Variants in KANK1 observed in about 807,000 individuals in gnomAD.
KANK1 encodes KN motif and ankyrin repeat domain-containing protein 1.
In KANK1, 109 loss-of-function variants were observed where a neutral mutation model predicts 106.2. That is an observed-to-expected ratio of 1.03 (90% confidence interval 0.88 to 1.20). The LOEUF (loss-of-function observed/expected upper bound fraction) is 1.20, where lower values mean the gene tolerates loss of function less well. Ranked by LOEUF, KANK1 falls within the 50% of genes most tolerant of loss-of-function variation. The probability of loss-of-function intolerance (pLI) is 0.00; values close to 1 mark genes in which losing one functional copy is unlikely to be tolerated. For synonymous variants in KANK1, 873 were observed against 652.2 expected, an observed-to-expected ratio of 1.34 and a Z score of -5.16; for missense variants, 2,399 against 1,710.7, an observed-to-expected ratio of 1.40 and a Z score of -7.10.
intron 2 of KANK1, chr9:684,580 T>G (rs1818186916): frequency 1.0e-6 from 1 of 985,228 alleles, no homozygotes; most frequent in Non-Finnish European, 1.2e-6. Flanking sequence ...TCGTTGTGAG[T>G]ATTGGCATTT....
chr9:708,630 A>T (rs1824999285), intron 2 of KANK1, among the ~76,000 whole-genome samples: 1 of 152,188 alleles, frequency 6.6e-6, no homozygotes, highest in Admixed American at 6.5e-5. Flanking sequence ...AGATGGAAGC[A>T]GAAGTGTTCT....
At chr9:506,050 A>G (rs1335953207) in intron 1 of KANK1, among the ~76,000 whole-genome samples, 1 of 152,218 alleles carries the variant, frequency 6.6e-6, no homozygotes, top group Non-Finnish European at 1.5e-5. Flanking sequence ...TTACTCTTCT[A>G]AGGTCAAAAT....
intron 1 of KANK1, among the ~76,000 whole-genome samples, chr9:571,897 C>G (rs1423806537): frequency 6.6e-6 from 1 of 152,056 alleles, no homozygotes; most frequent in Non-Finnish European, 1.5e-5. Flanking sequence ...TGTACTTTAG[C>G]TTCATGTCTC....
intron 1 of KANK1, among the ~76,000 whole-genome samples, chr9:509,563 C>T (rs1159276320): frequency 6.6e-6 from 1 of 152,080 alleles, no homozygotes; most frequent in Admixed American, 6.6e-5. Flanking sequence ...CTTTTTAATC[C>T]CTGCATATGC....
intron 1 of KANK1, among the ~76,000 whole-genome samples, chr9:617,132 A>T (rs1832035063): frequency 6.6e-6 from 1 of 152,000 alleles, no homozygotes; most frequent in Non-Finnish European, 1.5e-5. Context: ...TCATTCTTGC[A>T]AGGAATCATT....
At chr9:613,411 A>G (rs948415309) in intron 1 of KANK1, among the ~76,000 whole-genome samples, 13 of 151,920 alleles carry the variant, frequency 8.6e-5, no homozygotes, top group African/African-American at 3.1e-4. Flanking sequence ...GTGGCCCAGG[A>G]CAGCTTTGAA....
At chr9:718,615 A>G (rs1828406130) in intron 3 of KANK1, among the ~76,000 whole-genome samples, 1 of 151,802 alleles carries the variant, frequency 6.6e-6, no homozygotes, top group African/African-American at 2.4e-5. Context: ...AGGCCACTGT[A>G]TCATTTTAGA....
chr9:563,667 A>C (rs1817067060), intron 1 of KANK1, among the ~76,000 whole-genome samples: 1 of 152,186 alleles, frequency 6.6e-6, no homozygotes. Context: ...AGTGTCAGTG[A>C]AATTGAGTCC....
chr9:474,251 A>G (rs2058067995), intron 3 of KANK1, among the ~76,000 whole-genome samples: 1 of 152,178 alleles, frequency 6.6e-6, no homozygotes, highest in African/African-American at 2.4e-5. Context: ...CATAAGGAAA[A>G]TAGTGACATT....
At chr9:489,445 G>A (rs2058344377) in intron 3 of KANK1, among the ~76,000 whole-genome samples, 2 of 152,186 alleles carry the variant, frequency 1.3e-5, no homozygotes, top group Admixed American at 1.3e-4. Context: ...TTTAGTGTAA[G>A]TATAGGTCAT....
chr9:698,079 C>A (rs757053184), intron 2 of KANK1, among the ~76,000 whole-genome samples: 9 of 152,258 alleles, frequency 5.9e-5, no homozygotes, highest in Admixed American at 3.3e-4. Flanking sequence ...GTTCCCCAGG[C>A]CTATCGTCTA....
At chr9:741,734 G>A (rs1835616538) in intron 9 of KANK1, among the ~76,000 whole-genome samples, 5 of 151,974 alleles carry the variant, frequency 3.3e-5, no homozygotes, top group Admixed American at 1.3e-4. Context: ...TGATCCACCT[G>A]ACTCAGCCTC....
At chr9:526,610 T>C (rs911583138) in intron 1 of KANK1, among the ~76,000 whole-genome samples, 1 of 151,938 alleles carries the variant, frequency 6.6e-6, no homozygotes, top group Non-Finnish European at 1.5e-5. Context: ...TATGTACGTG[T>C]CTTCTCATAC....
chr9:624,587 G>A (rs1391479359), intron 1 of KANK1, among the ~76,000 whole-genome samples: 3 of 152,034 alleles, frequency 2.0e-5, no homozygotes. Flanking sequence ...GTGATCACTT[G>A]AGATCAGGAG....
At chr9:531,483 AT>A (rs1380571038) in intron 1 of KANK1, among the ~76,000 whole-genome samples, 1 of 152,206 alleles carries the variant, frequency 6.6e-6, no homozygotes, top group Non-Finnish European at 1.5e-5. Flanking sequence ...CGGCTTACAA[AT>A]CAGAACATTC....
intron 1 of KANK1, among the ~76,000 whole-genome samples, chr9:655,913 T>TTAAA (rs915203362): frequency 6.6e-6 from 1 of 152,208 alleles, no homozygotes; most frequent in Non-Finnish European, 1.5e-5. Context: ...AACAGGCCTT[T>TTAAA]CCCCTTTGTA....
At chr9:606,296 C>G (rs1829141730) in intron 1 of KANK1, among the ~76,000 whole-genome samples, 1 of 138,534 alleles carries the variant, frequency 7.2e-6, no homozygotes, top group Non-Finnish European at 1.5e-5. Flanking sequence ...GTGGCTCACA[C>G]CTGAAATCCC....
Position 647,812 on chromosome 9 carries a change from C to T in KANK1, c.-83-29078C>T, listed in dbSNP as rs192591100. ...TATATAGCAGAGATACGAAATAGCCCGCAATCCCAGATCTTCCATGGGTAA... is the reference window on the plus strand; with the variant it reads ...TATATAGCAGAGATACGAAATAGCCTGCAATCCCAGATCTTCCATGGGTAA... On this transcript the variant is annotated intron_variant, in intron 1 of 11. Coordinates refer to ENST00000382297, the MANE Select transcript of KANK1 (RefSeq NM_015158.5). Among the ~76,000 whole-genome samples, 13 of 150,488 alleles carry T rather than the reference C, an allele frequency of 8.6e-5. 2 individuals are homozygous for T. The highest frequency in any genetic ancestry group is 3.9e-4 in the Admixed American group (6 of 15,242).
chr9:511,316 T>C (rs866748067), intron 1 of KANK1, among the ~76,000 whole-genome samples: 1 of 152,278 alleles, frequency 6.6e-6, no homozygotes, highest in South Asian at 2.1e-4. Flanking sequence ...TGAATGGCAA[T>C]TTGAGATTGT....
Sources: gnomAD v4.1 joint callset for allele counts (sites outside exome capture counted in the v4.1 genomes callset) on GRCh38, gnomAD v4.1.1 for gene constraint, MANE v1.5 for transcripts, NCBI Gene and HGNC (gene_info 2026-07-23, HGNC 2026-07-21) for gene names.